The following BHMT variants were observed in gnomAD, a reference collection of about 807,000 sequenced individuals.
BHMT encodes the protein betaine--homocysteine S-methyltransferase, also known as betaine--homocysteine S-methyltransferase 1.
In BHMT, 38 loss-of-function variants were observed where a neutral mutation model predicts 49.5. The ratio of observed to expected loss-of-function variants is 0.77; its 90% CI spans 0.59 to 1.01. The LOEUF is 1.01. Ranked by LOEUF, BHMT falls within the 50% of genes least tolerant of loss-of-function variation. The pLI is 0.00. For synonymous variants in BHMT, 166 were observed against 176.3 expected, an observed-to-expected ratio of 0.94 and a Z score of 0.46; for missense variants, 426 against 495.7, an observed-to-expected ratio of 0.86 and a Z score of 1.34.
Position 79,126,124 on chromosome 5 carries a change from T to C in BHMT, c.704T>C (p.Leu235Ser). The C allele has an allele frequency of 1.2e-6, 2 of 1,613,516 alleles. No individual in the cohort carries two copies. The highest frequency in any genetic ancestry group is 1.1e-5 in the South Asian group (1 of 91,052). ...ACAGTGAAGCTCATGAAGGAGGGCT[T>C]GGAGGCTGCCCGACTGAAAGCTCAC... ...LKTVKLMKEG[L>S]EAARLKAHLM... The change falls in exon 6 of 8, where the codon TTG becomes TCG. Residue 235 changes from leucine to serine, a missense_variant. Physicochemically the swap from Leu to Ser is moderately radical, Grantham distance 145. Coordinates refer to ENST00000274353, the MANE Select transcript of BHMT (RefSeq NM_001713.3).
At chr5:79,112,577 A>G (rs1255214094) in intron 1 of BHMT, among the ~76,000 whole-genome samples, 4 of 152,344 alleles carry the variant, frequency 2.6e-5, no homozygotes, top group African/African-American at 9.6e-5. Context: ...TTCACAGGCA[A>G]TTTGATGTCC....
chr5:79,114,863 C>A (rs2112722146), intron 1 of BHMT, among the ~76,000 whole-genome samples: 1 of 152,214 alleles, frequency 6.6e-6, no homozygotes, highest in Admixed American at 6.5e-5. Context: ...TACAAAAAAT[C>A]TATTAAACTA....
intron 7 of BHMT, among the ~76,000 whole-genome samples, chr5:79,128,695 T>C (rs1249744303): frequency 6.6e-6 from 1 of 152,190 alleles, no homozygotes; most frequent in Non-Finnish European, 1.5e-5. Flanking sequence ...CTGATTGTTC[T>C]ATATCAAGCA....
chr5:79,124,265 T>C lies in BHMT; in HGVS notation c.626-1781T>C, dbSNP rs566906836. Among the ~76,000 whole-genome samples the C allele has an allele frequency of 1.3e-3, 196 of 152,210 alleles. 1 individual carries two copies. The highest frequency in any genetic ancestry group is 4.6e-3 in the African/African-American group (189 of 41,526). ...TAATGCCACTTAAAAATGGCTAAAA[T>C]GCGCCAGATGCAGGGGCTCATGCCT... On this transcript the variant is annotated intron_variant, in intron 5 of 7. Coordinates refer to ENST00000274353, the MANE Select transcript of BHMT (RefSeq NM_001713.3).
At chr5:79,118,375 G>A (rs1161377568) in intron 2 of BHMT, among the ~76,000 whole-genome samples, 1 of 152,170 alleles carries the variant, frequency 6.6e-6, no homozygotes, top group Non-Finnish European at 1.5e-5. Context: ...GCTGAGGCAG[G>A]AGAATTGCTT....
intron 5 of BHMT, among the ~76,000 whole-genome samples, chr5:79,121,975 A>G: frequency 6.6e-6 from 1 of 151,482 alleles, no homozygotes; most frequent in East Asian, 2.0e-4. Context: ...GTCTTGTCAC[A>G]CTGCAGCCCA....
Position 79,127,922 on chromosome 5 carries a change from G to A in BHMT, c.976G>A (p.Glu326Lys). Reference sequence around the variant, plus strand: ...AAGGGGCTTTTTGCCACCAGCTTCAGAAAAACATGGCAGCTGGGGAAGTGG... The same window carrying A: ...AAGGGGCTTTTTGCCACCAGCTTCAAAAAAACATGGCAGCTGGGGAAGTGG... ...PERGFLPPAS[E>K]KHGSWGSGLD... Residue 326 changes from glutamate (E) to lysine (K), a missense_variant, in exon 7 of 8, where the codon GAA (glutamate) becomes AAA (lysine). By Grantham distance (56) the Glu-to-Lys change is moderately conservative. Coordinates refer to ENST00000274353, the MANE Select transcript of BHMT (RefSeq NM_001713.3). 6.2e-7 allele frequency: 1 copy of A among 1,614,024 alleles called. No individual in the cohort carries two copies.
intron 1 of BHMT, among the ~76,000 whole-genome samples, 192 bp downstream of exon 1, chr5:79,112,110 C>A (rs1756310745): frequency 1.3e-5 from 2 of 152,188 alleles, no homozygotes. Context: ...CGCCTCTGAG[C>A]CTCCCCACTC....
chr5:79,117,740 C>T (rs1756407630), intron 2 of BHMT, among the ~76,000 whole-genome samples: 1 of 152,170 alleles, frequency 6.6e-6, no homozygotes, highest in Non-Finnish European at 1.5e-5. Flanking sequence ...CATATAGTTG[C>T]TCCTGGACCT....
At chr5:79,130,889 G>C in intron 7 of BHMT, 44 bp from the exon 8 acceptor site, 1 of 1,490,562 alleles carries the variant, frequency 6.7e-7, no homozygotes, top group Non-Finnish European at 9.0e-7. Context: ...ACCAAAGCTA[G>C]GGGAGGAGTC....
At chr5:79,121,832 A>AG (rs1023035453) in intron 5 of BHMT, among the ~76,000 whole-genome samples, 1 of 151,340 alleles carries the variant, frequency 6.6e-6, no homozygotes, top group Non-Finnish European at 1.5e-5. Flanking sequence ...AAAAAAAAAA[A>AG]AAGAATATCC....
At chr5:79,128,092 TC>T in intron 7 of BHMT, 109 bp downstream of exon 7, 1 of 1,304,026 alleles carries the variant, frequency 7.7e-7, no homozygotes, top group African/African-American at 1.5e-5. Flanking sequence ...GAATCAGTCA[TC>T]CCCAAATTCT....
At chr5:79,119,121 C>T (rs987264580) in intron 2 of BHMT, 138 bp from the exon 3 acceptor site, 5 of 656,534 alleles carry the variant, frequency 7.6e-6, no homozygotes, top group African/African-American at 7.3e-5. Context: ...ATCTACCTCT[C>T]ATCTACCCCT....
At chr5:79,124,381 T>G (rs553206367) in intron 5 of BHMT, among the ~76,000 whole-genome samples, 1 of 151,738 alleles carries the variant, frequency 6.6e-6, no homozygotes, top group East Asian at 1.9e-4. Context: ...AGGCCTTGTC[T>G]CTACAAAAAA....
Position 79,119,340 on chromosome 5 carries a change from T to C in BHMT, c.248T>C (p.Leu83Pro), listed in dbSNP as rs1756431810. 2 of 1,613,982 alleles carry C rather than the reference T, an allele frequency of 1.2e-6. No homozygotes were observed. The highest frequency in any genetic ancestry group is 1.3e-5 in the African/African-American group (1 of 74,916). ...TFTFYASEDK[L>P]ENRGNYVLEK... ...ACCTTCTATGCGAGTGAAGACAAGC[T>C]GGAGAACAGGGGCAACTATGTCTTA... The change falls in exon 3 of 8, where the codon CTG (leucine) becomes CCG (proline). Residue 83 changes from leucine to proline, a missense_variant. Around this residue, in one of 3 missense-constraint regions of BHMT, gnomAD observed 321 missense variants for 355.9 expected, o/e 0.90. Coordinates refer to ENST00000274353, the MANE Select transcript of BHMT (RefSeq NM_001713.3).
Position 79,111,833 on chromosome 5 carries a change from G to A in BHMT, c.-53G>A. 3 of 1,607,680 alleles carry A rather than the reference G, an allele frequency of 1.9e-6. No individual in the cohort carries two copies. The South Asian group carries it at 3.3e-5, about 18-fold the overall frequency. ...CAGCTCGGGGCTGCGCAGCGGGAAG[G>A]CTCGCCTAGTCGGTCCGCATCCGTG... is the stretch of plus-strand genomic sequence containing the variant. On this transcript the variant is annotated 5_prime_UTR_variant, in exon 1 of 8. Transcript: ENST00000274353.
At chr5:79,128,746 C>T (rs1270124079) in intron 7 of BHMT, among the ~76,000 whole-genome samples, 1 of 151,896 alleles carries the variant, frequency 6.6e-6, no homozygotes, top group Non-Finnish European at 1.5e-5. Context: ...ATAAGACAGG[C>T]AAGGTCTTTG....
chr5:79,126,091 G>A lies in BHMT; in HGVS notation c.671G>A (p.Ser224Asn). The part of the protein sequence containing the change: ...GVNCHFDPTI[S>N]LKTVKLMKEG... ...AACTGCCACTTTGACCCCACCATTAGTTTAAAAACAGTGAAGCTCATGAAG... is the reference window on the plus strand; with the variant it reads ...AACTGCCACTTTGACCCCACCATTAATTTAAAAACAGTGAAGCTCATGAAG... The change falls in exon 6 of 8, where the codon AGT (serine) becomes AAT (asparagine). Residue 224 changes from serine (S) to asparagine (N), a missense_variant. This residue lies in a region of BHMT where 321 missense variants were observed against 355.9 expected (regional missense o/e 0.90). Transcript: ENST00000274353. 1 of 1,612,670 alleles carries A rather than the reference G, an allele frequency of 6.2e-7. No individual in the cohort carries two copies. Among genetic ancestry groups the A allele is most frequent in the Non-Finnish European group, 8.5e-7 (1 of 1,178,808 alleles).
At chr5:79,113,491 A>G (rs1280337292) in intron 1 of BHMT, among the ~76,000 whole-genome samples, 1 of 152,246 alleles carries the variant, frequency 6.6e-6, no homozygotes, top group African/African-American at 2.4e-5. Flanking sequence ...TTAAAACAAT[A>G]TATGGACAAT....
Sources: allele counts gnomAD v4.1 joint callset (sites outside exome capture counted in the v4.1 genomes callset), GRCh38; gene constraint gnomAD v4.1.1; regional missense constraint gnomAD v4.1.1; transcripts MANE v1.5; gene names NCBI Gene and HGNC (gene_info 2026-07-23, HGNC 2026-07-21).